PCDHGA10: variants seen among roughly 807,000 people sequenced by gnomAD.
PCDHGA10 encodes protocadherin gamma-A10.
A neutral mutation model predicts 59.5 loss-of-function variants in PCDHGA10; 42 were observed. The observed-to-expected ratio is 0.71, with a 90% confidence interval of 0.55 to 0.91. PCDHGA10 has a LOEUF of 0.91. PCDHGA10 is among the 40% of genes least tolerant of loss of function. PCDHGA10 has a pLI of 0.00. For missense variants in PCDHGA10, 1,111 were observed against 1,198.2 expected (o/e 0.93, Z 1.07); for synonymous variants, 511 against 517.2 (o/e 0.99, Z 0.16).
intron 1 of PCDHGA10, chr5:141,475,801 A>G: frequency 3.2e-6 from 1 of 312,546 alleles, no homozygotes. Flanking sequence ...AGGAAGCCAA[A>G]GGAAAGTGAA....
rs535152193 is a variant in PCDHGA10, at chr5:141,422,906, C to G, written c.2436+7295C>G. ...TTCGTGCTGGACCAGAACGACAATG[C>G]GCCCGAGATCCTGTACCCTGCCCTC... On this transcript the variant is annotated intron_variant, in intron 1 of 3. Transcript: ENST00000398610. 6 of 1,614,264 alleles carry G rather than the reference C, an allele frequency of 3.7e-6. No homozygotes were observed. The South Asian group carries it at 6.6e-5, about 18-fold the overall frequency.
chr5:141,421,353 G>T, intron 1 of PCDHGA10: 1 of 1,613,998 alleles, frequency 6.2e-7, no homozygotes, highest in Non-Finnish European at 8.5e-7. Context: ...AGACCGAAAA[G>T]GGCTCCTTCG....
At position 141,491,672 on chromosome 5, in the gene PCDHGA10, G is replaced by A. The variant is rs754836157; in HGVS notation, c.2437-3135G>A. The A allele has an allele frequency of 9.9e-6, 16 of 1,613,494 alleles. No homozygotes were observed. The South Asian group carries it at 1.4e-4, about 14-fold the overall frequency. On this transcript the variant is annotated intron_variant, in intron 1 of 3. Transcript: ENST00000398610. This position sits in a 1 kb window ranked among gnomAD's most constrained non-coding sequence, Gnocchi z 6.9. ...CTGGAGCCTGACGCCATCCGGTCCCGCTCTAATACGCTGCGGGAGCGGAGC... is the reference window on the plus strand; with the variant it reads ...CTGGAGCCTGACGCCATCCGGTCCCACTCTAATACGCTGCGGGAGCGGAGC...
intron 1 of PCDHGA10, among the ~76,000 whole-genome samples, chr5:141,457,384 G>A (rs2154565902): frequency 6.6e-6 from 1 of 152,270 alleles, no homozygotes; most frequent in African/African-American, 2.4e-5. Context: ...CCCAGAACTA[G>A]CATATTGATT....
At chr5:141,448,707 G>A (rs1455790773) in intron 1 of PCDHGA10, among the ~76,000 whole-genome samples, 4 of 152,228 alleles carry the variant, frequency 2.6e-5, no homozygotes, top group South Asian at 2.1e-4. Flanking sequence ...TTGGGAGGCC[G>A]AGGCGGGAGG....
Position 141,489,714 on chromosome 5 carries a change from G to C in PCDHGA10, c.2437-5093G>C, listed in dbSNP as rs770143357. On this transcript the variant is annotated intron_variant, in intron 1 of 3. Coordinates refer to ENST00000398610, the MANE Select transcript of PCDHGA10 (RefSeq NM_018913.3). The surrounding 1 kb of genome is among the most constrained non-coding windows in gnomAD (Gnocchi z 4.5). Reference sequence around the variant, plus strand: ...CACGATTCCCACTGGACAGTGCCCAGGATCCGGATGTGGGCACCAATACTG... The same window carrying C: ...CACGATTCCCACTGGACAGTGCCCACGATCCGGATGTGGGCACCAATACTG... 7.4e-6 allele frequency: 12 copies of C among 1,613,958 alleles called. No individual in the cohort carries two copies. The highest frequency in any genetic ancestry group is 1.0e-5 in the Non-Finnish European group (12 of 1,179,930).
At chr5:141,483,919 G>T (rs912152955) in intron 1 of PCDHGA10, among the ~76,000 whole-genome samples, 2 of 151,008 alleles carry the variant, frequency 1.3e-5, no homozygotes, top group South Asian at 2.1e-4. Flanking sequence ...CACTCAGATT[G>T]CAGGTCGTAG....
chr5:141,505,342 T>C (rs2099845433), intron 2 of PCDHGA10, 51 bp from the exon 3 acceptor site: 1 of 1,612,738 alleles, frequency 6.2e-7, no homozygotes, highest in African/African-American at 1.3e-5. Flanking sequence ...AGGAGGGGCA[T>C]GAGCTGTGCC....
Position 141,431,205 on chromosome 5 carries a change from A to T in PCDHGA10, c.2436+15594A>T, listed in dbSNP as rs1438031040. ...AAAATTAGTGAAAATGCAGCCACTG[A>T]GATGCGGTTCCCTCTACCCCACGCC... On this transcript the variant is annotated intron_variant, in intron 1 of 3. Transcript: ENST00000398610. This position sits in a 1 kb window ranked among gnomAD's most constrained non-coding sequence, Gnocchi z 4.8. 1.1e-5 allele frequency: 18 copies of T among 1,614,092 alleles called. No homozygotes were observed. Among genetic ancestry groups the T allele is most frequent in the Non-Finnish European group, 1.5e-5 (18 of 1,180,056 alleles).
At chr5:141,418,344 T>G (rs746519142) in intron 1 of PCDHGA10, 1 of 1,614,008 alleles carries the variant, frequency 6.2e-7, no homozygotes, top group Non-Finnish European at 8.5e-7. Context: ...GATCCTGATA[T>G]TAGTATGAAT....
In PCDHGA10 at chr5:141,489,661, C is replaced by T. The variant is rs756803543; in HGVS notation, c.2437-5146C>T. 36 of 1,614,146 alleles carry T rather than the reference C, an allele frequency of 2.2e-5. 1 individual carries two copies. Among genetic ancestry groups the T allele is most frequent in the South Asian group, 5.5e-5 (5 of 91,090 alleles). ...CTTTGCCACCCCTGAGCGAGAGATG[C>T]GCATCTCAGAATCAGCAGCATCTGG... On this transcript the variant is annotated intron_variant, in intron 1 of 3. Coordinates refer to ENST00000398610, the MANE Select transcript of PCDHGA10 (RefSeq NM_018913.3). The surrounding 1 kb of genome is among the most constrained non-coding windows in gnomAD (Gnocchi z 4.5).
At position 141,415,388 on chromosome 5, in the gene PCDHGA10, G is replaced by T; in HGVS notation, c.2213G>T (p.Gly738Val). 1 of 1,614,236 alleles carries T rather than the reference G, an allele frequency of 6.2e-7. No homozygotes were observed. Among genetic ancestry groups the T allele is most frequent in the Non-Finnish European group, 8.5e-7 (1 of 1,180,040 alleles). The change falls in exon 1 of 4, where the codon GGT becomes GTT. Residue 738 changes from glycine to valine, a missense_variant. Coordinates refer to ENST00000398610, the MANE Select transcript of PCDHGA10 (RefSeq NM_018913.3). ...CAGGCTTCAGGAGGCGGCTTGACAG[G>T]TGTGTCCGGCTCGCACTTTGTGGGC... The part of the protein sequence containing the change: ...LLQASGGGLT[G>V]VSGSHFVGVD...
Position 141,489,087 on chromosome 5 carries a change from T to TCAAA in PCDHGA10, c.2437-5720_2437-5719insCAAA. 4.6e-6 allele frequency: 1 copy of TCAAA among 216,106 alleles called. No individual in the cohort carries two copies. The highest frequency in any genetic ancestry group is 8.4e-6 in the Non-Finnish European group (1 of 118,736). The allele number at this position is 216,106 out of a possible 1,614,324, so 13.4% of individuals were successfully genotyped here. On this transcript the variant is annotated intron_variant, in intron 1 of 3. Coordinates refer to ENST00000398610, the MANE Select transcript of PCDHGA10 (RefSeq NM_018913.3). This position sits in a 1 kb window ranked among gnomAD's most constrained non-coding sequence, Gnocchi z 4.5. The stretch of plus-strand genomic sequence containing the variant: ...CCCCCTGCCCACCCCCGCCACTCGG[T>TCAAA]GACTAAGAACTGCTGCAAGCAGGCA...
intron 1 of PCDHGA10, among the ~76,000 whole-genome samples, chr5:141,444,225 G>A (rs1307884592): frequency 8.0e-6 from 1 of 125,604 alleles, no homozygotes; most frequent in African/African-American, 3.1e-5. Context: ...AGGCTGGAGT[G>A]CAATGGCATG....
chr5:141,431,681 G>A lies in PCDHGA10; in HGVS notation c.2436+16070G>A. The A allele has an allele frequency of 6.2e-7, 1 of 1,614,214 alleles. No homozygotes were observed. The highest frequency in any genetic ancestry group is 1.1e-5 in the South Asian group (1 of 91,086). ...GACAATATCAACAATAGGGGAGTTG[G>A]ACCACGAGGAGTCAGGATTCTACCA... On this transcript the variant is annotated intron_variant, in intron 1 of 3. Coordinates refer to ENST00000398610, the MANE Select transcript of PCDHGA10 (RefSeq NM_018913.3). This position sits in a 1 kb window ranked among gnomAD's most constrained non-coding sequence, Gnocchi z 4.8.
intron 1 of PCDHGA10, chr5:141,419,929 T>C: frequency 6.2e-7 from 1 of 1,614,076 alleles, no homozygotes; most frequent in Non-Finnish European, 8.5e-7. Context: ...AGATGCAGTT[T>C]TACCTGGTGG....
In PCDHGA10 at chr5:141,491,856, C is replaced by A. The variant is rs754113958; in HGVS notation, c.2437-2951C>A. On this transcript the variant is annotated intron_variant, in intron 1 of 3. Coordinates refer to ENST00000398610, the MANE Select transcript of PCDHGA10 (RefSeq NM_018913.3). This position sits in a 1 kb window ranked among gnomAD's most constrained non-coding sequence, Gnocchi z 6.9. ...TCTCGGGATCATTGGACCGTTTGCG[C>A]GAAACCAGAGTGGCCGATTAAGGGA... 6.9e-7 allele frequency: 1 copy of A among 1,458,728 alleles called. No individual in the cohort carries two copies. The highest frequency in any genetic ancestry group is 9.1e-7 in the Non-Finnish European group (1 of 1,103,072). The allele number at this position is 1,458,728 out of a possible 1,614,324, so 90.4% of individuals were successfully genotyped here. A position where few individuals can be genotyped will look rare whatever the true frequency, so the allele number is the denominator to read the frequency against.
chr5:141,502,037 C>T (rs2154593041), intron 2 of PCDHGA10, among the ~76,000 whole-genome samples: 1 of 152,302 alleles, frequency 6.6e-6, no homozygotes, highest in East Asian at 1.9e-4. Context: ...CGCCGCTTGC[C>T]TGCTCTCCCT....
At chr5:141,510,682 GA>G (rs1303501817) in intron 3 of PCDHGA10, among the ~76,000 whole-genome samples, 6 of 152,154 alleles carry the variant, frequency 3.9e-5, no homozygotes, top group Non-Finnish European at 8.8e-5. Flanking sequence ...GTGGCATAAG[GA>G]GGTTAGGTAG....
Sources: allele counts gnomAD v4.1 joint callset (sites outside exome capture counted in the v4.1 genomes callset), GRCh38; gene constraint gnomAD v4.1.1; non-coding constraint Gnocchi (gnomAD v3.1); transcripts MANE v1.5; gene names NCBI Gene and HGNC (gene_info 2026-07-23, HGNC 2026-07-21).